ARHGAP15: variants seen among roughly 807,000 people sequenced by gnomAD.
The protein encoded by ARHGAP15 is rho GTPase-activating protein 15.
In ARHGAP15, 51 loss-of-function variants were observed where a neutral mutation model predicts 63.7. The observed-to-expected ratio is 0.80, with a 90% confidence interval of 0.64 to 1.01. The LOEUF (loss-of-function observed/expected upper bound fraction) is 1.01. Among genes scored for constraint, ARHGAP15 ranks in the 50% least tolerant of loss-of-function variants. The pLI, the probability that ARHGAP15 is intolerant of heterozygous loss-of-function variation, is 0.00. For missense variants in ARHGAP15, 560 were observed against 564.6 expected (o/e 0.99, Z 0.08); for synonymous variants, 191 against 193.8 (o/e 0.99, Z 0.12).
chr2:143,185,233 A>G (rs1477083449), intron 2 of ARHGAP15, among the ~76,000 whole-genome samples: 3 of 152,238 alleles, frequency 2.0e-5, no homozygotes. Context: ...TGTTTACTAG[A>G]ATGGTGTGGA....
At chr2:143,318,647 A>G (rs935717171) in intron 6 of ARHGAP15, among the ~76,000 whole-genome samples, 2 of 148,274 alleles carry the variant, frequency 1.3e-5, no homozygotes, top group African/African-American at 5.0e-5. Flanking sequence ...ATTGCTTCCT[A>G]TTTCTGAGCA....
Position 143,418,556 on chromosome 2 carries a change from T to C in ARHGAP15, c.475-17045T>C, listed in dbSNP as rs113781300. Reference sequence around the variant, plus strand: ...TTATCAAATTCCCAATAGGATCTTCTGGAGGAAGAGAAGAAATATTTAAAG... The same window carrying C: ...TTATCAAATTCCCAATAGGATCTTCCGGAGGAAGAGAAGAAATATTTAAAG... On this transcript the variant is annotated intron_variant, in intron 6 of 13. Coordinates refer to ENST00000295095, the MANE Select transcript of ARHGAP15 (RefSeq NM_018460.4). Among the ~76,000 whole-genome samples the C allele has an allele frequency of 5.8e-3, 887 of 152,256 alleles. 9 individuals are homozygous for C. Among genetic ancestry groups the C allele is most frequent in the African/African-American group, 0.02 (828 of 41,540 alleles).
At chr2:143,662,542 G>C (rs1356548976) in intron 12 of ARHGAP15, among the ~76,000 whole-genome samples, 1 of 138,794 alleles carries the variant, frequency 7.2e-6, no homozygotes, top group Non-Finnish European at 1.6e-5. Context: ...TTCCTCACCA[G>C]CAACGGAACA....
intron 4 of ARHGAP15, among the ~76,000 whole-genome samples, chr2:143,225,882 G>C (rs919820850): frequency 1.3e-4 from 20 of 152,084 alleles, no homozygotes; most frequent in African/African-American, 4.8e-4. Context: ...AGAATCATGG[G>C]AAAAAATCGA....
chr2:143,430,000 A>G (rs2105075165), intron 6 of ARHGAP15, among the ~76,000 whole-genome samples: 1 of 152,192 alleles, frequency 6.6e-6, no homozygotes, highest in Admixed American at 6.6e-5. Context: ...GTGTGTGCCA[A>G]TTAAAACAAA....
At chr2:143,556,267 A>C in intron 10 of ARHGAP15, 141 bp from the exon 11 acceptor site, 1 of 571,014 alleles carries the variant, frequency 1.8e-6, no homozygotes, top group Non-Finnish European at 3.0e-6. Context: ...TAAAATTTTG[A>C]AGATTGCATA....
At chr2:143,364,730 AT>A (rs1255330987) in intron 6 of ARHGAP15, among the ~76,000 whole-genome samples, 1 of 152,210 alleles carries the variant, frequency 6.6e-6, no homozygotes, top group Admixed American at 6.5e-5. Context: ...ACATGTACTA[AT>A]TTAAGTAGTT....
At chr2:143,711,871 A>G (rs1022608336) in intron 13 of ARHGAP15, among the ~76,000 whole-genome samples, 3 of 152,332 alleles carry the variant, frequency 2.0e-5, no homozygotes, top group African/African-American at 7.2e-5. Flanking sequence ...CGGAGGCTAC[A>G]GTGACCTATG....
chr2:143,527,853 T>C (rs1273177357), intron 10 of ARHGAP15, among the ~76,000 whole-genome samples: 1 of 152,032 alleles, frequency 6.6e-6, no homozygotes, highest in South Asian at 2.1e-4. Context: ...CCGATGCATA[T>C]AGTTGATAGT....
At chr2:143,173,905 G>T (rs1022809106) in intron 2 of ARHGAP15, among the ~76,000 whole-genome samples, 1 of 152,070 alleles carries the variant, frequency 6.6e-6, no homozygotes, top group Non-Finnish European at 1.5e-5. Context: ...ATAGGATAAT[G>T]GAATGTGCAA....
intron 13 of ARHGAP15, among the ~76,000 whole-genome samples, chr2:143,736,082 T>C (rs1027942009): frequency 1.6e-4 from 24 of 152,246 alleles, no homozygotes; most frequent in Middle Eastern, 3.4e-3. Flanking sequence ...GTAAGCCAGG[T>C]CCTTAACCTA....
chr2:143,565,783 G>A (rs1559053824), intron 11 of ARHGAP15, among the ~76,000 whole-genome samples: 1 of 152,282 alleles, frequency 6.6e-6, no homozygotes, highest in East Asian at 1.9e-4. Context: ...AACTTGGCAT[G>A]CCATCTTAGT....
chr2:143,256,986 C>T (rs1312468937), intron 6 of ARHGAP15, among the ~76,000 whole-genome samples: 1 of 152,084 alleles, frequency 6.6e-6, no homozygotes, highest in Non-Finnish European at 1.5e-5. Context: ...GATAATGTGA[C>T]TTGGGAACCA....
intron 12 of ARHGAP15, among the ~76,000 whole-genome samples, chr2:143,633,357 T>C (rs961119828): frequency 3.9e-5 from 6 of 152,276 alleles, no homozygotes; most frequent in African/African-American, 1.4e-4. Flanking sequence ...TGCTAGATGA[T>C]AAACAACTGG....
intron 13 of ARHGAP15, chr2:143,741,233 G>C (rs1685950762): frequency 6.6e-6 from 1 of 152,158 alleles, no homozygotes; most frequent in Admixed American, 6.5e-5. Context: ...TATTTCCAAA[G>C]AAATGAGCAA....
At chr2:143,412,773 TCTC>T (rs1394974910) in intron 6 of ARHGAP15, among the ~76,000 whole-genome samples, 2 of 152,130 alleles carry the variant, frequency 1.3e-5, no homozygotes, top group Admixed American at 6.5e-5. Context: ...TTCTCCTCTC[TCTC>T]CTCTTTTACT....
chr2:143,668,081 G>A (rs767062174), intron 12 of ARHGAP15, among the ~76,000 whole-genome samples: 48 of 151,980 alleles, frequency 3.2e-4, no homozygotes, highest in Non-Finnish European at 6.3e-4. Flanking sequence ...AAGGGTTGAA[G>A]CATGTTTTGT....
chr2:143,737,154 ATG>A (rs1685776740), intron 13 of ARHGAP15, among the ~76,000 whole-genome samples: 1 of 152,226 alleles, frequency 6.6e-6, no homozygotes, highest in Admixed American at 6.5e-5. Context: ...AACATTGAAT[ATG>A]TTGTGGGCAT....
chr2:143,671,097 ATG>A (rs2105348486), intron 12 of ARHGAP15, among the ~76,000 whole-genome samples: 1 of 152,348 alleles, frequency 6.6e-6, no homozygotes, highest in Non-Finnish European at 1.5e-5. Flanking sequence ...AACATAGTCT[ATG>A]TAACTAGTTG....
Sources: allele counts gnomAD v4.1 joint callset (sites outside exome capture counted in the v4.1 genomes callset), GRCh38; gene constraint gnomAD v4.1.1; transcripts MANE v1.5; gene names NCBI Gene and HGNC (gene_info 2026-07-23, HGNC 2026-07-21).